The following TRIQK variants were observed in gnomAD, a reference collection of about 807,000 sequenced individuals.
The protein encoded by TRIQK is triple QxxK/R motif-containing protein.
Under a neutral mutation model 10.8 loss-of-function variants are expected in TRIQK, and 10 were observed. That is an observed-to-expected ratio of 0.92 (90% confidence interval 0.57 to 1.57). The LOEUF (loss-of-function observed/expected upper bound fraction) is 1.57. Among genes scored for constraint, TRIQK ranks in the 40% most tolerant of loss-of-function variants. TRIQK has a pLI of 0.00. For synonymous variants in TRIQK, 33 were observed against 33.7 expected (o/e 0.98, Z 0.07); for missense variants, 107 against 97.7 (o/e 1.09, Z -0.40).
At chr8:92,895,628 G>C (rs1808553781) in intron 3 of TRIQK, among the ~76,000 whole-genome samples, 1 of 152,134 alleles carries the variant, frequency 6.6e-6, no homozygotes, top group East Asian at 1.9e-4. Flanking sequence ...ATGGAAATGG[G>C]AGACATCTTA....
At chr8:93,002,776 C>T (rs77163983) in intron 1 of TRIQK, among the ~76,000 whole-genome samples, 2,418 of 151,828 alleles carry the variant, frequency 0.016, 63 homozygotes, top group African/African-American at 0.054. Flanking sequence ...AAAAATTAGC[C>T]GGGTGTGGTA....
intron 2 of TRIQK, among the ~76,000 whole-genome samples, chr8:92,940,651 G>C (rs1199479639): frequency 3.9e-5 from 6 of 152,162 alleles, no homozygotes; most frequent in African/African-American, 1.4e-4. Flanking sequence ...GATATAAAGA[G>C]AGAAATTGAC....
chr8:93,014,678 T>C (rs907241692), intron 1 of TRIQK, among the ~76,000 whole-genome samples: 1 of 152,064 alleles, frequency 6.6e-6, no homozygotes, highest in African/African-American at 2.4e-5. Context: ...CAATACACTC[T>C]TTGGAAGAAC....
At position 92,894,928 on chromosome 8, in the gene TRIQK, A is replaced by G. The variant is rs546007145; in HGVS notation, c.62-2854T>C. 2.0e-5 allele frequency among the ~76,000 whole-genome samples: 3 copies of G among 152,188 alleles called. No homozygotes were observed. The East Asian group carries it at 5.8e-4, about 29-fold the overall frequency. On this transcript the variant is annotated intron_variant, in intron 3 of 4. Coordinates refer to ENST00000521988, the MANE Select transcript of TRIQK (RefSeq NM_001171797.2). Reference sequence around the variant, plus strand: ...ACTGAAGTCTCTGCACAGTTACCTTATTGGTCATCTGCTGTGGTTTAATGT... The same window carrying G: ...ACTGAAGTCTCTGCACAGTTACCTTGTTGGTCATCTGCTGTGGTTTAATGT...
At chr8:92,997,562 C>T (rs1489499660) in intron 1 of TRIQK, among the ~76,000 whole-genome samples, 1 of 151,986 alleles carries the variant, frequency 6.6e-6, no homozygotes, top group East Asian at 1.9e-4. Flanking sequence ...TGAGAACTGA[C>T]ATTTGTGATT....
At chr8:93,006,615 G>A (rs1813275176) in intron 1 of TRIQK, among the ~76,000 whole-genome samples, 1 of 152,182 alleles carries the variant, frequency 6.6e-6, no homozygotes, top group Non-Finnish European at 1.5e-5. Flanking sequence ...GCTCCCGGCG[G>A]GGAGGGGCAG....
chr8:92,953,867 A>C (rs1318310663), intron 2 of TRIQK: 2 of 151,930 alleles, frequency 1.3e-5, no homozygotes, highest in Non-Finnish European at 2.9e-5. Context: ...GGTCAGAGAT[A>C]AACAGAGGCC....
At chr8:92,962,250 C>T (rs1164453481) in intron 1 of TRIQK, among the ~76,000 whole-genome samples, 1 of 152,040 alleles carries the variant, frequency 6.6e-6, no homozygotes, top group South Asian at 2.1e-4. Context: ...TGGATGAATA[C>T]CAAAAAACCA....
chr8:92,966,324 A>G (rs553223754), upstream of TRIQK, among the ~76,000 whole-genome samples: 157 of 152,372 alleles, frequency 1.0e-3, 1 homozygote, highest in Middle Eastern at 3.4e-3. Context: ...GAAATTAAAA[A>G]TAAAGACTGT....
intron 1 of TRIQK, among the ~76,000 whole-genome samples, chr8:92,984,702 T>C (rs1364176749): frequency 6.6e-6 from 1 of 152,100 alleles, no homozygotes; most frequent in Admixed American, 6.6e-5. Context: ...GATAAAATAA[T>C]TTTCCATGTA....
At chr8:92,945,316 C>G (rs1230670713) in intron 2 of TRIQK, among the ~76,000 whole-genome samples, 1 of 152,166 alleles carries the variant, frequency 6.6e-6, no homozygotes, top group Non-Finnish European at 1.5e-5. Flanking sequence ...AATATCTACA[C>G]CCTGACACAT....
chr8:92,950,380 C>A (rs1212088850), intron 2 of TRIQK, among the ~76,000 whole-genome samples: 1 of 152,092 alleles, frequency 6.6e-6, no homozygotes, highest in Non-Finnish European at 1.5e-5. Context: ...TATGTACATA[C>A]AAAAGGCTTA....
chr8:92,924,734 A>G (rs1261511898), intron 2 of TRIQK, among the ~76,000 whole-genome samples: 1 of 151,776 alleles, frequency 6.6e-6, no homozygotes, highest in Non-Finnish European at 1.5e-5. Flanking sequence ...AATATTAATT[A>G]TTTCAATATT....
intron 3 of TRIQK, 117 bp from the exon 4 acceptor site, chr8:92,892,191 T>C: frequency 1.5e-6 from 1 of 673,340 alleles, no homozygotes; most frequent in Middle Eastern, 4.4e-4. Context: ...AGTTGCAAAG[T>C]AGTTCCCAGT....
chr8:92,965,740 C>CCCTCCAT (rs1395942548), intron 1 of TRIQK: 1 of 152,528 alleles, frequency 6.6e-6, no homozygotes, highest in Non-Finnish European at 1.5e-5. Flanking sequence ...GAACCCAGCA[C>CCCTCCAT]CCTCCATCCC....
At chr8:93,001,260 T>C (rs1813208250) in intron 1 of TRIQK, among the ~76,000 whole-genome samples, 1 of 150,476 alleles carries the variant, frequency 6.6e-6, no homozygotes, top group Non-Finnish European at 1.5e-5. Context: ...TGAGCTGAGA[T>C]TGCACCACTG....
At chr8:93,002,920 C>T (rs1303808425) in intron 1 of TRIQK, among the ~76,000 whole-genome samples, 1 of 113,878 alleles carries the variant, frequency 8.8e-6, no homozygotes. Context: ...AACTCCATCT[C>T]AAAAAAAAAA....
chr8:92,959,503 A>T (rs1391862414), intron 1 of TRIQK, among the ~76,000 whole-genome samples: 1 of 151,628 alleles, frequency 6.6e-6, no homozygotes, highest in East Asian at 1.9e-4. Context: ...ACACACACAC[A>T]CACACACACA....
At chr8:93,011,650 G>A (rs929610440) in intron 1 of TRIQK, among the ~76,000 whole-genome samples, 9 of 151,970 alleles carry the variant, frequency 5.9e-5, no homozygotes, top group African/African-American at 2.2e-4. Flanking sequence ...CATATGAGTA[G>A]GGAAAAAGAT....
Sources: allele counts gnomAD v4.1 joint callset (sites outside exome capture counted in the v4.1 genomes callset), GRCh38; gene constraint gnomAD v4.1.1; transcripts MANE v1.5; gene names NCBI Gene and HGNC (gene_info 2026-07-23, HGNC 2026-07-21).